Variants in MMP26 observed in about 807,000 individuals in gnomAD.
The protein encoded by MMP26 is matrix metallopeptidase 26, also known as matrix metalloproteinase-26.
In MMP26, 33 loss-of-function variants were observed where a neutral mutation model predicts 31.0. The ratio of observed to expected loss-of-function variants is 1.06; its 90% CI spans 0.81 to 1.42. The LOEUF is 1.42. Ranked by LOEUF, MMP26 falls within the 40% of genes most tolerant of loss-of-function variation. The probability of loss-of-function intolerance (pLI) is 0.00; values close to 1 mark genes in which losing one functional copy is unlikely to be tolerated. For missense variants in MMP26, 347 were observed against 316.1 expected (o/e 1.10, Z -0.74); for synonymous variants, 122 against 114.9 (o/e 1.06, Z -0.40).
intron 2 of MMP26, chr11:4,914,929 G>C: frequency 1.2e-6 from 2 of 1,614,130 alleles, no homozygotes; most frequent in African/African-American, 1.3e-5. Context: ...GGGAAACACA[G>C]GTGTTAAGGG....
At chr11:4,917,031 C>T (rs550859446) in intron 2 of MMP26, among the ~76,000 whole-genome samples, 39 of 152,326 alleles carry the variant, frequency 2.6e-4, no homozygotes, top group Non-Finnish European at 4.7e-4. Context: ...CAGCAGTGAT[C>T]TTCCATTCTC....
chr11:4,964,318 T>A (rs530577556), intron 2 of MMP26, among the ~76,000 whole-genome samples: 4 of 152,148 alleles, frequency 2.6e-5, no homozygotes, highest in Non-Finnish European at 4.4e-5. Flanking sequence ...CAGTTTCAAT[T>A]TTCTGCATAA....
chr11:4,773,810 C>T (rs1479314334), intron 2 of MMP26, among the ~76,000 whole-genome samples: 8 of 152,028 alleles, frequency 5.3e-5, no homozygotes, highest in Admixed American at 5.2e-4. Context: ...CCCTGACGGG[C>T]CCCAGTGTGT....
intron 1 of MMP26, among the ~76,000 whole-genome samples, chr11:4,760,912 T>A (rs1848562748): frequency 6.6e-6 from 1 of 152,220 alleles, no homozygotes; most frequent in South Asian, 2.1e-4. Flanking sequence ...TGGTTATTAT[T>A]TATGGCAGGA....
intron 1 of MMP26, among the ~76,000 whole-genome samples, chr11:4,756,184 G>C (rs1033509423): frequency 6.6e-6 from 1 of 152,010 alleles, no homozygotes; most frequent in Non-Finnish European, 1.5e-5. Context: ...CAAAAACAGA[G>C]TCAAGGGACA....
At chr11:4,980,409 G>A (rs56048423) in intron 2 of MMP26, among the ~76,000 whole-genome samples, 6,820 of 151,788 alleles carry the variant, frequency 0.045, 512 homozygotes, top group African/African-American at 0.15. Context: ...TTTCTTTTGG[G>A]GTAACATTAC....
chr11:4,988,594 G>A (rs946822868), intron 3 of MMP26, among the ~76,000 whole-genome samples: 2 of 151,914 alleles, frequency 1.3e-5, no homozygotes, highest in East Asian at 1.9e-4. Flanking sequence ...CTTCTATATG[G>A]CATAGAGTGA....
intron 2 of MMP26, chr11:4,947,276 T>A: frequency 2.1e-6 from 1 of 475,294 alleles, no homozygotes. Context: ...GGTTGGTTGC[T>A]GCTTTGGACT....
intron 2 of MMP26, among the ~76,000 whole-genome samples, chr11:4,911,226 A>G (rs1219396372): frequency 6.6e-6 from 1 of 152,178 alleles, no homozygotes; most frequent in East Asian, 1.9e-4. Context: ...TGATTTCAGC[A>G]AATAATGGAC....
chr11:4,735,525 C>T (rs1475128599), intron 1 of MMP26, among the ~76,000 whole-genome samples: 1 of 152,168 alleles, frequency 6.6e-6, no homozygotes, highest in Non-Finnish European at 1.5e-5. Flanking sequence ...CTGGATTTAA[C>T]ATTTGTCTTA....
chr11:4,808,803 G>A (rs1849312419), intron 2 of MMP26, among the ~76,000 whole-genome samples: 1 of 149,596 alleles, frequency 6.7e-6, no homozygotes. Flanking sequence ...GGGCTGCCCT[G>A]GTATCCAAGA....
chr11:4,988,729 C>A (rs1178266074), intron 3 of MMP26, among the ~76,000 whole-genome samples: 1 of 152,126 alleles, frequency 6.6e-6, no homozygotes, highest in Non-Finnish European at 1.5e-5. Flanking sequence ...CACACACTTT[C>A]AATTTCTAAA....
intron 2 of MMP26, among the ~76,000 whole-genome samples, chr11:4,872,397 A>G (rs977595885): frequency 6.6e-6 from 1 of 151,972 alleles, no homozygotes; most frequent in African/African-American, 2.4e-5. Flanking sequence ...TAGAACTAAC[A>G]CTTCTAACTG....
At position 4,951,951 on chromosome 11, in the gene MMP26, G is replaced by C. The variant is rs889301943; in HGVS notation, c.-144-36117G>C. 4.8e-5 allele frequency among the ~76,000 whole-genome samples: 6 copies of C among 124,290 alleles called. 2 individuals are homozygous for C. 81.5% of individuals were successfully genotyped at this position (124,290 alleles called of 152,430 possible). Reference sequence around the variant, plus strand: ...AGAGAGCTGAAGCATGTAAGTTAGCGGTGATAACAACTTCTTTGCAGCACT... The same window carrying C: ...AGAGAGCTGAAGCATGTAAGTTAGCCGTGATAACAACTTCTTTGCAGCACT... On this transcript the variant is annotated intron_variant, in intron 2 of 7. Transcript: ENST00000380390.
At chr11:4,962,358 T>G (rs1846532203) in intron 2 of MMP26, among the ~76,000 whole-genome samples, 1 of 152,202 alleles carries the variant, frequency 6.6e-6, no homozygotes, top group Non-Finnish European at 1.5e-5. Context: ...TACTTAGAAC[T>G]TATGAAATTA....
chr11:4,884,097 C>T (rs538100970), intron 2 of MMP26, among the ~76,000 whole-genome samples: 2 of 152,222 alleles, frequency 1.3e-5, no homozygotes, highest in South Asian at 4.1e-4. Flanking sequence ...CTCCAATCCC[C>T]TTTACCAACA....
intron 2 of MMP26, among the ~76,000 whole-genome samples, chr11:4,834,025 A>G (rs967487035): frequency 2.0e-5 from 3 of 152,146 alleles, no homozygotes; most frequent in African/African-American, 7.2e-5. Flanking sequence ...ATCAGTTTGA[A>G]CTAAAAAAAA....
At chr11:4,965,280 C>A (rs1008300800) in intron 2 of MMP26, among the ~76,000 whole-genome samples, 3 of 152,090 alleles carry the variant, frequency 2.0e-5, no homozygotes, top group Admixed American at 6.6e-5. Context: ...CACATCCTAG[C>A]AAGCCGAGAT....
intron 2 of MMP26, among the ~76,000 whole-genome samples, chr11:4,783,787 A>G (rs1409657995): frequency 6.6e-6 from 1 of 152,124 alleles, no homozygotes; most frequent in Non-Finnish European, 1.5e-5. Flanking sequence ...AAGTCTCACA[A>G]GATCTGATGG....
Sources: allele counts gnomAD v4.1 joint callset (sites outside exome capture counted in the v4.1 genomes callset), GRCh38; gene constraint gnomAD v4.1.1; transcripts MANE v1.5; gene names NCBI Gene and HGNC (gene_info 2026-07-23, HGNC 2026-07-21).